The following TPRG1 variants were observed in gnomAD, a reference collection of about 807,000 sequenced individuals.
The protein encoded by TPRG1 is tumor protein p63 regulated 1.
TPRG1 carries 29 observed loss-of-function variants against 29.3 expected under a neutral mutation model. The ratio of observed to expected loss-of-function variants is 0.99; its 90% CI spans 0.74 to 1.35. The LOEUF (loss-of-function observed/expected upper bound fraction) is 1.35, where lower values mean the gene tolerates loss of function less well. Among genes scored for constraint, TPRG1 ranks in the 40% most tolerant of loss-of-function variants. TPRG1 has a pLI of 0.00. For missense variants in TPRG1, 327 were observed against 335.0 expected, an observed-to-expected ratio of 0.98 and a Z score of 0.19; for synonymous variants, 130 against 116.8, an observed-to-expected ratio of 1.11 and a Z score of -0.73.
intron 2 of TPRG1, among the ~76,000 whole-genome samples, chr3:189,212,480 C>T (rs1033758399): frequency 3.3e-5 from 5 of 152,058 alleles, no homozygotes; most frequent in African/African-American, 4.8e-5. Flanking sequence ...GGGCTTCTTT[C>T]GGGTGTAGAA....
At chr3:189,197,089 C>T (rs1028804007) in intron 1 of TPRG1, among the ~76,000 whole-genome samples, 2 of 152,306 alleles carry the variant, frequency 1.3e-5, no homozygotes, top group African/African-American at 2.4e-5. Flanking sequence ...TCTACACACT[C>T]GCCTGGGATG....
chr3:189,081,720 G>A (rs1393297825), intron 4 of TPRG1, among the ~76,000 whole-genome samples: 6 of 152,052 alleles, frequency 3.9e-5, no homozygotes, highest in African/African-American at 1.4e-4. Flanking sequence ...CCAAACATAT[G>A]CACATACACT....
intron 1 of TPRG1, among the ~76,000 whole-genome samples, chr3:189,193,046 G>A (rs1731939818): frequency 6.7e-6 from 1 of 150,186 alleles, no homozygotes; most frequent in African/African-American, 2.5e-5. Flanking sequence ...GAAATCTGCT[G>A]TTTAGTCTTA....
At chr3:189,005,806 C>T (rs549672904) in intron 3 of TPRG1, among the ~76,000 whole-genome samples, 1 of 152,120 alleles carries the variant, frequency 6.6e-6, no homozygotes, top group East Asian at 1.9e-4. Context: ...AACTTCTCAA[C>T]ACAGGTCCAT....
rs199752309 is a variant in TPRG1, at chr3:189,187,296, C to CT, written c.-10+15173dup. ...AGCCACCCCGGCCAAGTTCATCTAA[C>CT]TTTTTTTTGTTTGTTTTTTGTTTTT... is the stretch of plus-strand genomic sequence containing the variant. On this transcript the variant is annotated intron_variant, in intron 1 of 5. Transcript: ENST00000345063. Among the ~76,000 whole-genome samples, 1,061 of 148,290 alleles carry CT rather than the reference C, an allele frequency of 7.2e-3. 14 individuals carry two copies. Among genetic ancestry groups the CT allele is most frequent in the African/African-American group, 0.025 (1,001 of 40,232 alleles).
chr3:189,121,122 A>G (rs973800829), intron 1 of TPRG1, among the ~76,000 whole-genome samples: 8 of 152,210 alleles, frequency 5.3e-5, no homozygotes, highest in African/African-American at 1.9e-4. Context: ...AATTATAGAA[A>G]GAGTTTAATT....
At chr3:189,085,745 A>T (rs1717893111) in intron 4 of TPRG1, among the ~76,000 whole-genome samples, 1 of 152,180 alleles carries the variant, frequency 6.6e-6, no homozygotes, top group Non-Finnish European at 1.5e-5. Flanking sequence ...AAGTGATCTG[A>T]TCCATAATGA....
intron 4 of TPRG1, among the ~76,000 whole-genome samples, chr3:189,271,246 A>T (rs1440912104): frequency 4.6e-5 from 7 of 152,216 alleles, no homozygotes; most frequent in Non-Finnish European, 1.0e-4. Flanking sequence ...GGGCAATCTT[A>T]TAAAATCAGT....
chr3:189,008,748 G>C (rs1264304350), intron 3 of TPRG1, among the ~76,000 whole-genome samples: 1 of 152,094 alleles, frequency 6.6e-6, no homozygotes, highest in Non-Finnish European at 1.5e-5. Context: ...AGAGTTTATG[G>C]ACACTGGAAG....
intron 3 of TPRG1, among the ~76,000 whole-genome samples, chr3:189,019,278 A>T (rs1391577630): frequency 1.3e-5 from 2 of 151,988 alleles, no homozygotes; most frequent in Non-Finnish European, 2.9e-5. Context: ...GTTGAATAGG[A>T]GTCGTGAGAG....
chr3:189,038,647 C>A (rs1487206880), intron 4 of TPRG1, among the ~76,000 whole-genome samples: 1 of 151,950 alleles, frequency 6.6e-6, no homozygotes, highest in African/African-American at 2.4e-5. Context: ...TTATGAATTT[C>A]TGTTCATTGA....
At chr3:189,177,831 T>C (rs1350668785) in intron 1 of TPRG1, among the ~76,000 whole-genome samples, 1 of 152,196 alleles carries the variant, frequency 6.6e-6, no homozygotes, top group African/African-American at 2.4e-5. Context: ...CCCTAAATTA[T>C]CAACACGTTA....
intron 4 of TPRG1, among the ~76,000 whole-genome samples, chr3:189,092,423 C>T (rs962768467): frequency 2.0e-5 from 3 of 149,128 alleles, no homozygotes; most frequent in Non-Finnish European, 4.5e-5. Flanking sequence ...CTGAAGAATA[C>T]ATTATTTATC....
chr3:189,014,117 A>G (rs1712796245), intron 3 of TPRG1, among the ~76,000 whole-genome samples: 1 of 152,058 alleles, frequency 6.6e-6, no homozygotes, highest in African/African-American at 2.4e-5. Context: ...TGTGTACTTC[A>G]GTGTGTTTTT....
intron 2 of TPRG1, among the ~76,000 whole-genome samples, chr3:189,207,987 G>T (rs566063770): frequency 6.6e-6 from 1 of 152,320 alleles, no homozygotes; most frequent in African/African-American, 2.4e-5. Flanking sequence ...ATGGAGTGGA[G>T]AGGGTTGCTA....
chr3:189,254,361 T>C (rs1443931901), intron 4 of TPRG1, among the ~76,000 whole-genome samples: 1 of 152,224 alleles, frequency 6.6e-6, no homozygotes, highest in Non-Finnish European at 1.5e-5. Context: ...GAGGTCTCTG[T>C]TCTGTTTCAT....
At chr3:189,319,780 G>A (rs1009193316) in intron 5 of TPRG1, among the ~76,000 whole-genome samples, 23 of 151,944 alleles carry the variant, frequency 1.5e-4, no homozygotes, top group African/African-American at 5.6e-4. Context: ...CCTTAATATG[G>A]CCCTGAAGAC....
chr3:189,042,647 A>G (rs1169671248), intron 4 of TPRG1, among the ~76,000 whole-genome samples: 1 of 151,962 alleles, frequency 6.6e-6, no homozygotes, highest in Non-Finnish European at 1.5e-5. Context: ...GCTTCTTTAT[A>G]TTGTATCTCA....
chr3:189,109,425 G>A (rs1218756958), intron 1 of TPRG1, among the ~76,000 whole-genome samples: 1 of 152,202 alleles, frequency 6.6e-6, no homozygotes, highest in Non-Finnish European at 1.5e-5. Flanking sequence ...AGCAACGTGT[G>A]TGAACCTGAG....
Sources: gnomAD v4.1 joint callset for allele counts (sites outside exome capture counted in the v4.1 genomes callset) on GRCh38, gnomAD v4.1.1 for gene constraint, MANE v1.5 for transcripts, NCBI Gene and HGNC (gene_info 2026-07-23, HGNC 2026-07-21) for gene names.